The following RGS7 variants were observed in gnomAD, a reference collection of about 807,000 sequenced individuals.
RGS7 encodes regulator of G-protein signaling 7.
Under a neutral mutation model 81.1 loss-of-function variants are expected in RGS7, and 27 were observed. The observed-to-expected ratio is 0.33, with a 90% confidence interval of 0.25 to 0.46. The LOEUF is 0.46. Ranked by LOEUF, RGS7 falls within the 20% of genes least tolerant of loss-of-function variation. The pLI, the probability that RGS7 is intolerant of heterozygous loss-of-function variation, is 1.00. For missense variants in RGS7, 396 were observed against 607.4 expected (o/e 0.65, Z 3.66); for synonymous variants, 208 against 207.7 (o/e 1.00, Z -0.01).
At chr1:241,028,967 A>G (rs564727819) in intron 3 of RGS7, among the ~76,000 whole-genome samples, 1 of 152,314 alleles carries the variant, frequency 6.6e-6, no homozygotes, top group African/African-American at 2.4e-5. Flanking sequence ...ACTAAGAATA[A>G]GATGAATGGT....
intron 2 of RGS7, among the ~76,000 whole-genome samples, chr1:241,300,122 A>T (rs2079657305): frequency 6.6e-6 from 1 of 151,910 alleles, no homozygotes; most frequent in Non-Finnish European, 1.5e-5. Flanking sequence ...CTCAAAAAAA[A>T]AAAGACAATT....
chr1:240,891,139 C>G (rs1246092554), intron 6 of RGS7, among the ~76,000 whole-genome samples: 1 of 152,180 alleles, frequency 6.6e-6, no homozygotes, highest in Non-Finnish European at 1.5e-5. Flanking sequence ...AGTAAGTCAT[C>G]TGTCCTCTCT....
At chr1:240,801,614 G>A in intron 16 of RGS7, 106 bp from the exon 17 acceptor site, 2 of 805,562 alleles carry the variant, frequency 2.5e-6, no homozygotes, top group Non-Finnish European at 4.2e-6. Context: ...ATGAAATGAT[G>A]CAACACCAAA....
intron 2 of RGS7, among the ~76,000 whole-genome samples, chr1:241,351,420 A>AT (rs1374848739): frequency 1.2e-3 from 21 of 17,742 alleles, no homozygotes; most frequent in Admixed American, 3.1e-3. Context: ...CCCTGACTTT[A>AT]TTTAAAAAAA....
chr1:241,264,420 C>G (rs191644979), intron 2 of RGS7, among the ~76,000 whole-genome samples: 1 of 152,066 alleles, frequency 6.6e-6, no homozygotes, highest in Non-Finnish European at 1.5e-5. Flanking sequence ...TCACTTGAAC[C>G]TGGGAGGCGG....
chr1:240,888,796 G>C (rs1455156115), intron 6 of RGS7, among the ~76,000 whole-genome samples: 2 of 152,072 alleles, frequency 1.3e-5, no homozygotes, highest in African/African-American at 4.8e-5. Flanking sequence ...GTCAAAGCCA[G>C]GCATTAGACC....
intron 2 of RGS7, among the ~76,000 whole-genome samples, chr1:241,288,406 G>A (rs552718728): frequency 4.6e-5 from 7 of 152,176 alleles, no homozygotes; most frequent in Non-Finnish European, 4.4e-5. Context: ...CTCCGAGTGG[G>A]TATGGAGACC....
At chr1:240,848,478 A>G (rs2147917001) in intron 9 of RGS7, among the ~76,000 whole-genome samples, 1 of 152,286 alleles carries the variant, frequency 6.6e-6, no homozygotes, top group East Asian at 1.9e-4. Flanking sequence ...GAAAAGGAAT[A>G]ATAAGACCAA....
intron 2 of RGS7, among the ~76,000 whole-genome samples, chr1:241,243,333 T>C (rs2076353208): frequency 1.3e-5 from 2 of 152,228 alleles, no homozygotes; most frequent in South Asian, 4.1e-4. Context: ...TTATTCTAAG[T>C]GCTATAGAAA....
intron 2 of RGS7, among the ~76,000 whole-genome samples, chr1:241,143,770 T>G (rs1398916012): frequency 6.6e-6 from 1 of 152,218 alleles, no homozygotes; most frequent in Non-Finnish European, 1.5e-5. Flanking sequence ...AATTCATATG[T>G]TGAAATGAAA....
chr1:241,355,121 C>T (rs1453670955), intron 2 of RGS7, among the ~76,000 whole-genome samples: 1 of 151,958 alleles, frequency 6.6e-6, no homozygotes, highest in South Asian at 2.1e-4. Context: ...AATAGGCATA[C>T]GGCACTAGAA....
intron 3 of RGS7, among the ~76,000 whole-genome samples, chr1:241,023,987 G>A (rs1363419142): frequency 6.6e-6 from 1 of 152,064 alleles, no homozygotes; most frequent in Non-Finnish European, 1.5e-5. Flanking sequence ...AGGTGTGGTC[G>A]ACCTCCTGCC....
intron 6 of RGS7, among the ~76,000 whole-genome samples, chr1:240,900,628 T>C (rs2148195327): frequency 6.6e-6 from 1 of 152,220 alleles, no homozygotes; most frequent in Admixed American, 6.5e-5. Context: ...GAACAGCAAA[T>C]GTTGCTGTCT....
At chr1:241,170,628 A>C (rs1283088967) in intron 2 of RGS7, among the ~76,000 whole-genome samples, 1 of 152,212 alleles carries the variant, frequency 6.6e-6, no homozygotes, top group Non-Finnish European at 1.5e-5. Context: ...TGGAAGAGGC[A>C]GACTGGCAGA....
At chr1:240,912,150 CAAAAAAAAAAAAAAA>C (rs374318547) in intron 6 of RGS7, among the ~76,000 whole-genome samples, 2 of 55,782 alleles carry the variant, frequency 3.6e-5, no homozygotes, top group East Asian at 6.4e-4. Context: ...GATTCTGTCT[CAAAAAAAAAAAAAAA>C]AAAAAAAAAA....
At chr1:240,873,705 A>G (rs547657159) in intron 6 of RGS7, among the ~76,000 whole-genome samples, 7 of 152,346 alleles carry the variant, frequency 4.6e-5, no homozygotes, top group African/African-American at 1.4e-4. Context: ...ATGAAAGCAC[A>G]TCACACAGGT....
chr1:241,161,061 T>C (rs987474877), intron 2 of RGS7, among the ~76,000 whole-genome samples: 10 of 107,036 alleles, frequency 9.3e-5, no homozygotes, highest in African/African-American at 6.4e-4. Flanking sequence ...CCAAACCACC[T>C]GTAGAAATGA....
chr1:240,949,482 A>G (rs1438034513), intron 4 of RGS7, among the ~76,000 whole-genome samples: 1 of 152,134 alleles, frequency 6.6e-6, no homozygotes, highest in Non-Finnish European at 1.5e-5. Context: ...CAGATATAAA[A>G]GTGAAGGTGA....
intron 2 of RGS7, among the ~76,000 whole-genome samples, chr1:241,300,094 G>A (rs1470286130): frequency 6.6e-6 from 1 of 151,716 alleles, no homozygotes; most frequent in Non-Finnish European, 1.5e-5. Flanking sequence ...CAACCTGGGT[G>A]ATAGAGCAAG....
Sources: gnomAD v4.1 joint callset for allele counts (sites outside exome capture counted in the v4.1 genomes callset) on GRCh38, gnomAD v4.1.1 for gene constraint, MANE v1.5 for transcripts, NCBI Gene and HGNC (gene_info 2026-07-23, HGNC 2026-07-21) for gene names.